ADAMTS15: variants seen among roughly 807,000 people sequenced by gnomAD.
ADAMTS15 encodes the protein ADAM metallopeptidase with thrombospondin type 1 motif 15.
Under a neutral mutation model 79.1 loss-of-function variants are expected in ADAMTS15, and 35 were observed. That is an observed-to-expected ratio of 0.44 (90% CI 0.34 to 0.59). The LOEUF is 0.59. ADAMTS15 is among the 20% of genes least tolerant of loss of function. ADAMTS15 has a pLI of 0.02. For synonymous variants in ADAMTS15, 616 were observed against 567.3 expected (o/e 1.09, Z -1.22); for missense variants, 1,324 against 1,318.7 (o/e 1.00, Z -0.06).
In ADAMTS15 at chr11:130,471,109, A is replaced by T. The variant is rs936236779; in HGVS notation, c.1902+8A>T. ...TATGTGCTGGCACCCAAGGTGAGTGAGCCTGGGGCCTGAGAACAAAGTAGG... is the reference window on the plus strand; with the variant it reads ...TATGTGCTGGCACCCAAGGTGAGTGTGCCTGGGGCCTGAGAACAAAGTAGG... On this transcript the variant is annotated splice_region_variant and intron_variant, in intron 6 of 7. Coordinates refer to ENST00000299164, the MANE Select transcript of ADAMTS15 (RefSeq NM_139055.4). 8.1e-6 allele frequency: 13 copies of T among 1,610,260 alleles called. No homozygotes were observed. Among genetic ancestry groups the T allele is most frequent in the Non-Finnish European group, 1.0e-5 (12 of 1,178,000 alleles).
At position 130,462,243 on chromosome 11, in the gene ADAMTS15, A is replaced by G. The variant is rs772782204; in HGVS notation, c.1247A>G (p.Asp416Gly). 1 of 1,613,358 alleles carries G rather than the reference A, an allele frequency of 6.2e-7. No homozygotes were observed. The highest frequency in any genetic ancestry group is 8.5e-7 in the Non-Finnish European group (1 of 1,179,506). The change falls in exon 3 of 8, where the codon GAC becomes GGC. Residue 416 changes from aspartate (D) to glycine (G), a missense_variant. Asp to Gly is a moderately conservative substitution (Grantham distance 94). Transcript: ENST00000299164. The surrounding 1 kb of genome is among the most constrained non-coding windows in gnomAD (Gnocchi z 4.3). ...GCTGCCATCATCACCGACTTCCTGG[A>G]CAGCGGGCACGGTAAGCCAGGACGG... ...CSAAIITDFLDSGHGDCLLDQ... is the reference protein window; with the variant it reads ...CSAAIITDFLGSGHGDCLLDQ...
intron 1 of ADAMTS15, among the ~76,000 whole-genome samples, chr11:130,460,322 G>C (rs182999534): frequency 6.8e-6 from 1 of 147,948 alleles, no homozygotes; most frequent in Non-Finnish European, 1.5e-5. Flanking sequence ...TGTCGCCCAC[G>C]CTGGAGTGCA....
chr11:130,455,807 CG>C (rs561785408), intron 1 of ADAMTS15, among the ~76,000 whole-genome samples: 1 of 152,134 alleles, frequency 6.6e-6, no homozygotes, highest in South Asian at 2.1e-4. Context: ...GGCAAGGAGC[CG>C]GGGGCTCGTT....
At chr11:130,456,009 G>T (rs139942716) in intron 1 of ADAMTS15, among the ~76,000 whole-genome samples, 1 of 152,160 alleles carries the variant, frequency 6.6e-6, no homozygotes, top group South Asian at 2.1e-4. Context: ...CAACCCTGCC[G>T]CTGTGCTGCC....
chr11:130,471,817 G>C (rs145659743), intron 7 of ADAMTS15, among the ~76,000 whole-genome samples: 1 of 152,226 alleles, frequency 6.6e-6, no homozygotes, highest in African/African-American at 2.4e-5. Flanking sequence ...GTGTGCTCTT[G>C]TGGGGAATAA....
chr11:130,459,707 G>C (rs569949811), intron 1 of ADAMTS15, among the ~76,000 whole-genome samples: 183 of 152,302 alleles, frequency 1.2e-3, no homozygotes, highest in Admixed American at 3.0e-3. Flanking sequence ...GGTCACCCTC[G>C]GAATAACTGT....
rs770624530 is a variant in ADAMTS15, at chr11:130,449,547, A to C, written c.574A>C (p.Lys192Gln). ...PAILRALDPY[K>Q]PRRAGFGESR... Reference sequence around the variant, plus strand: ...CATCCTACGGGCCCTGGACCCTTACAAGCCGCGGCGGGCGGGCTTCGGGGA... The same window carrying C: ...CATCCTACGGGCCCTGGACCCTTACCAGCCGCGGCGGGCGGGCTTCGGGGA... The change falls in exon 1 of 8, where the codon AAG (lysine) becomes CAG (glutamine). Residue 192 changes from lysine to glutamine, a missense_variant. Coordinates refer to ENST00000299164, the MANE Select transcript of ADAMTS15 (RefSeq NM_139055.4). This position sits in a 1 kb window ranked among gnomAD's most constrained non-coding sequence, Gnocchi z 7.8. 5 of 1,580,406 alleles carry C rather than the reference A, an allele frequency of 3.2e-6. No individual in the cohort carries two copies. In the African/African-American group the frequency reaches 6.7e-5, roughly 21 times the overall value.
intron 1 of ADAMTS15, among the ~76,000 whole-genome samples, chr11:130,456,736 T>C (rs1006489303): frequency 1.3e-5 from 2 of 152,248 alleles, no homozygotes; most frequent in Non-Finnish European, 2.9e-5. Context: ...TTAATAGCCA[T>C]GGGGACTGGG....
intron 1 of ADAMTS15, among the ~76,000 whole-genome samples, chr11:130,452,483 A>G (rs562550752): frequency 2.5e-4 from 38 of 152,364 alleles, no homozygotes; most frequent in African/African-American, 8.4e-4. Flanking sequence ...GGCAGGAGCC[A>G]GGTATTTAAT....
At chr11:130,470,174 A>ATATG (rs1555081057) in intron 5 of ADAMTS15, among the ~76,000 whole-genome samples, 9 of 63,594 alleles carry the variant, frequency 1.4e-4, no homozygotes, top group African/African-American at 2.0e-4. Context: ...ATATATATAT[A>ATATG]TATATATGTG....
intron 1 of ADAMTS15, among the ~76,000 whole-genome samples, chr11:130,458,666 G>C (rs542451452): frequency 1.6e-3 from 244 of 152,280 alleles, no homozygotes; most frequent in Admixed American, 3.1e-3. Flanking sequence ...GAGAGGACTT[G>C]GATAAAGTCA....
At position 130,473,747 on chromosome 11, in the gene ADAMTS15, C is replaced by G; in HGVS notation, c.2779C>G (p.Leu927Val). The part of the protein sequence containing the change: ...SLKCVGHGGR[L>V]LARDQCNLHR... The stretch of plus-strand genomic sequence containing the variant: ...CAAGTGTGTGGGCCACGGAGGCCGG[C>G]TGCTGGCCCGGGACCAGTGCAACTT... The change falls in exon 8 of 8, where the codon CTG becomes GTG. Residue 927 changes from leucine (L) to valine (V), a missense_variant. Leu to Val is a conservative substitution (Grantham distance 32). Transcript: ENST00000299164. 1 of 1,599,480 alleles carries G rather than the reference C, an allele frequency of 6.3e-7. No individual in the cohort carries two copies. The highest frequency in any genetic ancestry group is 8.5e-7 in the Non-Finnish European group (1 of 1,179,884).
At chr11:130,461,900 G>A (rs1408819112) in intron 2 of ADAMTS15, among the ~76,000 whole-genome samples, 187 bp from the exon 3 acceptor site, 2 of 152,204 alleles carry the variant, frequency 1.3e-5, no homozygotes, top group African/African-American at 4.8e-5. Context: ...GGAGCCCACA[G>A]CCTGACGGAG....
intron 4 of ADAMTS15, among the ~76,000 whole-genome samples, chr11:130,463,068 G>A (rs1426243576): frequency 1.3e-5 from 2 of 152,202 alleles, no homozygotes; most frequent in Non-Finnish European, 2.9e-5. Context: ...CCTGAGCTCC[G>A]GGCCTCGTCC....
intron 1 of ADAMTS15, among the ~76,000 whole-genome samples, chr11:130,454,977 A>G (rs1938042837): frequency 6.6e-6 from 1 of 151,386 alleles, no homozygotes; most frequent in South Asian, 2.1e-4. Flanking sequence ...CCTTTCCTTG[A>G]CACCTTGACT....
At chr11:130,470,205 T>TACAC (rs1938420748) in intron 5 of ADAMTS15, among the ~76,000 whole-genome samples, 2 of 62,772 alleles carry the variant, frequency 3.2e-5, no homozygotes, top group South Asian at 4.4e-4. Flanking sequence ...TATATATATA[T>TACAC]ATATGTATAT....
At chr11:130,470,473 T>C (rs1469467500) in intron 5 of ADAMTS15, among the ~76,000 whole-genome samples, 1 of 151,744 alleles carries the variant, frequency 6.6e-6, no homozygotes, top group Non-Finnish European at 1.5e-5. Flanking sequence ...CGTCTCGGCC[T>C]CCCAAAGTGC....
At chr11:130,461,690 G>T (rs2134726590) in intron 2 of ADAMTS15, 69 bp downstream of exon 2, 2 of 1,594,514 alleles carry the variant, frequency 1.3e-6, no homozygotes, top group South Asian at 2.2e-5. Context: ...TGGGAGACGT[G>T]TGTCTTTGCC....
In ADAMTS15 at chr11:130,473,578, C is replaced by T. The variant is rs768164805; in HGVS notation, c.2610C>T (p.Ala870=). The change falls in exon 8 of 8, where the codon GCC becomes GCT. Residue 870 remains alanine, a synonymous_variant. Transcript: ENST00000299164. ...GGGCGGTGGACTGCCGGGGCTCCGC[C>T]GGGCAGCGCACGGTCCCTGCCTGTG... ...QKRAVDCRGS[A]GQRTVPACDA... 20 of 1,603,632 alleles carry T rather than the reference C, an allele frequency of 1.2e-5. No homozygotes were observed. Among genetic ancestry groups the T allele is most frequent in the Admixed American group, 1.7e-5 (1 of 59,534 alleles).
Sources: gnomAD v4.1 joint callset for allele counts (sites outside exome capture counted in the v4.1 genomes callset) on GRCh38, gnomAD v4.1.1 for gene constraint, Gnocchi (gnomAD v3.1) non-coding constraint, MANE v1.5 for transcripts, NCBI Gene and HGNC (gene_info 2026-07-23, HGNC 2026-07-21) for gene names.